RNF17: variants seen among roughly 807,000 people sequenced by gnomAD.
RNF17 encodes the protein spermatogenesis associated 23.
In RNF17, 31 loss-of-function variants were observed where a neutral mutation model predicts 200.5. The ratio of observed to expected loss-of-function variants is 0.15; its 90% CI spans 0.12 to 0.21. RNF17 has a LOEUF of 0.21. Ranked by LOEUF, RNF17 falls within the 10% of genes least tolerant of loss-of-function variation. RNF17 has a pLI of 1.00. For missense variants in RNF17, 1,628 were observed against 1,905.1 expected, an observed-to-expected ratio of 0.85 and a Z score of 2.71; for synonymous variants, 606 against 637.8, an observed-to-expected ratio of 0.95 and a Z score of 0.75.
intron 10 of RNF17, among the ~76,000 whole-genome samples, chr13:24,793,642 TATAA>T (rs988727830): frequency 1.3e-5 from 2 of 152,224 alleles, no homozygotes; most frequent in African/African-American, 2.4e-5. Flanking sequence ...GTATAAAAGA[TATAA>T]ATAGAGAGAT....
intron 15 of RNF17, among the ~76,000 whole-genome samples, chr13:24,808,041 T>C (rs1479888018): frequency 2.0e-5 from 3 of 151,338 alleles, no homozygotes; most frequent in African/African-American, 7.3e-5. Context: ...CTGTTTTGGT[T>C]ACTGTAGCCT....
intron 19 of RNF17, 147 bp from the exon 20 acceptor site, chr13:24,843,597 T>C: frequency 1.5e-6 from 1 of 645,334 alleles, no homozygotes; most frequent in Non-Finnish European, 2.7e-6. Context: ...TTATATACAG[T>C]AAAAAGTCAC....
chr13:24,822,527 T>G (rs898445544), intron 15 of RNF17, among the ~76,000 whole-genome samples: 5 of 151,988 alleles, frequency 3.3e-5, no homozygotes, highest in African/African-American at 1.2e-4. Flanking sequence ...GTTCAAGCAA[T>G]TCTTCTGGCT....
chr13:24,763,524 C>T (rs950591746), upstream of RNF17, among the ~76,000 whole-genome samples: 1 of 151,974 alleles, frequency 6.6e-6, no homozygotes, highest in African/African-American at 2.4e-5. Context: ...GCCCAGAAGG[C>T]TAATTCTTAC....
At chr13:24,880,252 G>A (rs1320252783), downstream of RNF17, among the ~76,000 whole-genome samples, 1 of 152,158 alleles carries the variant, frequency 6.6e-6, no homozygotes, top group Non-Finnish European at 1.5e-5. Flanking sequence ...GAAATGCAAA[G>A]GGGGGAAACG....
In RNF17 at chr13:24,830,536, T is replaced by C. The variant is rs1889270415; in HGVS notation, c.2298T>C (p.Thr766=). ...TTAAATATGTGGACTTTGGTAATAC[T>C]GCAAAAATAACAATCAAAGACGTGC... The part of the protein sequence containing the change: ...VEVKYVDFGN[T]AKITIKDVRK... Residue 766 remains threonine (T), a synonymous_variant, in exon 17 of 36, where the codon ACT becomes ACC. Transcript: ENST00000255324. 1.4e-5 allele frequency: 23 copies of C among 1,612,032 alleles called. No homozygotes were observed. Among genetic ancestry groups the C allele is most frequent in the Non-Finnish European group, 2.0e-5 (23 of 1,179,194 alleles).
At chr13:24,815,166 A>T (rs909817964) in intron 15 of RNF17, among the ~76,000 whole-genome samples, 1 of 152,214 alleles carries the variant, frequency 6.6e-6, no homozygotes, top group Admixed American at 6.5e-5. Flanking sequence ...AAGTCATCTT[A>T]TCCATGAACA....
intron 16 of RNF17, 58 bp downstream of exon 16, chr13:24,825,830 T>A: frequency 6.5e-7 from 1 of 1,543,234 alleles, no homozygotes; most frequent in Non-Finnish European, 8.8e-7. Flanking sequence ...CTAATATCAT[T>A]TGAGTTGGTA....
At chr13:24,848,675 A>T (rs774111161) in intron 22 of RNF17, among the ~76,000 whole-genome samples, 5 of 152,122 alleles carry the variant, frequency 3.3e-5, no homozygotes, top group African/African-American at 4.8e-5. Flanking sequence ...AAAAATAAAT[A>T]AAAAAATCAC....
At chr13:24,822,823 T>G (rs916348018) in intron 15 of RNF17, among the ~76,000 whole-genome samples, 2 of 152,348 alleles carry the variant, frequency 1.3e-5, no homozygotes, top group South Asian at 4.1e-4. Context: ...ACACAGAAAC[T>G]TCTGATATCA....
rs1405899426 is a variant in RNF17 at position 24,842,025 on chromosome 13, C to T, written c.2483-16C>T. ...TGACATATTTCTTTCCCCAAACTTT[C>T]TTAATGGTTTTACAGAAATTCTGGA... is the stretch of plus-strand genomic sequence containing the variant. On this transcript the variant is annotated splice_polypyrimidine_tract_variant and intron_variant, in intron 18 of 35. Transcript: ENST00000255324. The T allele has an allele frequency of 1.3e-6, 2 of 1,585,168 alleles. No homozygotes were observed. The highest frequency in any genetic ancestry group is 1.4e-5 in the African/African-American group (1 of 72,826).
the RNF17 span, among the ~76,000 whole-genome samples, chr13:24,885,049 T>G: frequency 1.3e-5 from 2 of 152,176 alleles, no homozygotes; most frequent in African/African-American, 4.8e-5. Context: ...AAGGAAGACC[T>G]AGAATGAACA....
intron 13 of RNF17, 35 bp downstream of exon 13, chr13:24,800,569 G>T (rs45466293): frequency 6.3e-7 from 1 of 1,585,264 alleles, no homozygotes; most frequent in Non-Finnish European, 8.6e-7. Flanking sequence ...TCCTTCAGAG[G>T]TTATTACAAT....
intron 15 of RNF17, among the ~76,000 whole-genome samples, chr13:24,810,188 G>T (rs1169652297): frequency 5.0e-4 from 71 of 141,236 alleles, no homozygotes; most frequent in East Asian, 1.1e-3. Flanking sequence ...TCAATTCCTG[G>T]GTATCCTTGT....
intron 15 of RNF17, among the ~76,000 whole-genome samples, chr13:24,812,531 C>T (rs1252859307): frequency 3.3e-5 from 5 of 152,208 alleles, no homozygotes; most frequent in East Asian, 1.9e-4. Context: ...CACTGACCTG[C>T]GCCCACTGTC....
At chr13:24,840,752 G>A (rs1259979995) in intron 18 of RNF17, among the ~76,000 whole-genome samples, 2 of 150,644 alleles carry the variant, frequency 1.3e-5, no homozygotes, top group Admixed American at 6.7e-5. Flanking sequence ...GTAGGAGGGG[G>A]GCGAAGGATA....
intron 18 of RNF17, among the ~76,000 whole-genome samples, chr13:24,835,618 G>C (rs1889904939): frequency 6.6e-6 from 1 of 152,178 alleles, no homozygotes. Flanking sequence ...CATAGGAAAA[G>C]GGGAAGAGTA....
chr13:24,855,355 C>T (rs2138258395), intron 25 of RNF17, among the ~76,000 whole-genome samples: 1 of 152,134 alleles, frequency 6.6e-6, no homozygotes, highest in East Asian at 1.9e-4. Context: ...ATTGGCCAGG[C>T]ACGGTGGCTC....
At chr13:24,876,202 G>C (rs1393260101) in intron 33 of RNF17, among the ~76,000 whole-genome samples, 1 of 152,182 alleles carries the variant, frequency 6.6e-6, no homozygotes, top group Non-Finnish European at 1.5e-5. Flanking sequence ...AATGTGTCAT[G>C]ATCTTGATGG....
Sources: gnomAD v4.1 joint callset for allele counts (sites outside exome capture counted in the v4.1 genomes callset) on GRCh38, gnomAD v4.1.1 for gene constraint, MANE v1.5 for transcripts, NCBI Gene and HGNC (gene_info 2026-07-23, HGNC 2026-07-21) for gene names.